Variants in CPNE4 observed in about 807,000 individuals in gnomAD.
The protein encoded by CPNE4 is copine-4.
A neutral mutation model predicts 67.9 loss-of-function variants in CPNE4; 25 were observed. The observed-to-expected ratio is 0.37, with a 90% confidence interval of 0.27 to 0.51. CPNE4 has a LOEUF of 0.51. Ranked by LOEUF, CPNE4 falls within the 20% of genes least tolerant of loss-of-function variation. The pLI is 0.93. For missense variants in CPNE4, 464 were observed against 690.8 expected, an observed-to-expected ratio of 0.67 and a Z score of 3.68; for synonymous variants, 242 against 244.9, an observed-to-expected ratio of 0.99 and a Z score of 0.11.
intron 14 of CPNE4, among the ~76,000 whole-genome samples, chr3:131,543,327 A>G (rs1275106559): frequency 6.6e-6 from 1 of 152,258 alleles, no homozygotes; most frequent in Admixed American, 6.5e-5. Context: ...TAAATTTAAC[A>G]TTAAAATTGG....
intron 2 of CPNE4, among the ~76,000 whole-genome samples, chr3:131,798,824 G>A (rs1240213890): frequency 6.6e-6 from 1 of 151,922 alleles, no homozygotes; most frequent in African/African-American, 2.4e-5. Context: ...TGTTAATATG[G>A]TATTACTGCA....
In CPNE4 at chr3:132,030,379, A is replaced by C. The variant is rs982496678; in HGVS notation, c.-2+4188T>G. ...GTTCTGAGAGTCATAGAACATGCAC[A>C]TTAACGGAGATGGCTGCAGACAATG... On this transcript the variant is annotated intron_variant, in intron 1 of 15. Coordinates refer to ENST00000429747, the MANE Select transcript of CPNE4 (RefSeq NM_130808.3). 2.6e-5 allele frequency among the ~76,000 whole-genome samples: 4 copies of C among 152,242 alleles called. No homozygotes were observed. The East Asian group carries it at 7.7e-4, about 29-fold the overall frequency.
chr3:132,010,282 C>A (rs2073722490), intron 1 of CPNE4, among the ~76,000 whole-genome samples: 4 of 151,636 alleles, frequency 2.6e-5, no homozygotes, highest in Non-Finnish European at 5.9e-5. Context: ...CATTTAGCAC[C>A]CTCTCTACAC....
chr3:131,720,631 T>C (rs1055673356), intron 3 of CPNE4, among the ~76,000 whole-genome samples: 2 of 152,178 alleles, frequency 1.3e-5, no homozygotes, highest in Non-Finnish European at 2.9e-5. Context: ...ACAAAGTGTA[T>C]AAATGTCCCA....
intron 7 of CPNE4, among the ~76,000 whole-genome samples, chr3:131,596,157 C>G (rs1307239967): frequency 6.6e-6 from 1 of 151,614 alleles, no homozygotes; most frequent in South Asian, 2.1e-4. Context: ...AACAAACAAA[C>G]AAACAAATAA....
At chr3:131,567,652 A>G (rs1937127137) in intron 10 of CPNE4, among the ~76,000 whole-genome samples, 1 of 151,990 alleles carries the variant, frequency 6.6e-6, no homozygotes, top group Non-Finnish European at 1.5e-5. Context: ...TCTTATGCTT[A>G]ACTAGGGTGG....
intron 1 of CPNE4, among the ~76,000 whole-genome samples, chr3:132,025,132 G>T (rs1324199632): frequency 6.6e-6 from 1 of 152,160 alleles, no homozygotes; most frequent in African/African-American, 2.4e-5. Context: ...TGAGAACCAT[G>T]GCTTGAAGAT....
At chr3:131,648,693 T>A (rs146735690) in intron 7 of CPNE4, among the ~76,000 whole-genome samples, 1 of 152,378 alleles carries the variant, frequency 6.6e-6, no homozygotes, top group African/African-American at 2.4e-5. Flanking sequence ...GATTATAAAT[T>A]TTTTCATGTG....
At chr3:131,654,143 C>A (rs1467822843) in intron 7 of CPNE4, among the ~76,000 whole-genome samples, 2 of 152,118 alleles carry the variant, frequency 1.3e-5, no homozygotes, top group African/African-American at 4.8e-5. Context: ...AATATGAATC[C>A]AAGGTTGAGA....
At chr3:131,826,320 T>G (rs2085157473) in intron 2 of CPNE4, among the ~76,000 whole-genome samples, 1 of 152,012 alleles carries the variant, frequency 6.6e-6, no homozygotes, top group Non-Finnish European at 1.5e-5. Context: ...GCCTCCTCAG[T>G]AGCTGGGACC....
chr3:131,873,779 C>A (rs554072388), intron 2 of CPNE4, among the ~76,000 whole-genome samples: 1 of 152,232 alleles, frequency 6.6e-6, no homozygotes, highest in South Asian at 2.1e-4. Flanking sequence ...TGCATTGAGC[C>A]CCAGGACAGC....
chr3:131,897,029 G>A (rs905343820), intron 2 of CPNE4, among the ~76,000 whole-genome samples: 13 of 152,004 alleles, frequency 8.6e-5, no homozygotes, highest in African/African-American at 2.7e-4. Flanking sequence ...TCAATACCAC[G>A]TACTCCAGAT....
chr3:131,761,210 C>CTTT lies in CPNE4; in HGVS notation c.181-37588_181-37586dup, dbSNP rs151161125. 3.4e-3 allele frequency among the ~76,000 whole-genome samples: 411 copies of CTTT among 119,440 alleles called. 1 individual carries two copies. The highest frequency in any genetic ancestry group is 7.3e-3 in the East Asian group (29 of 3,988). 78.4% of individuals were successfully genotyped at this position (119,440 alleles called of 152,430 possible). A position where few individuals can be genotyped will look rare whatever the true frequency, so the allele number is the denominator to read the frequency against. On this transcript the variant is annotated intron_variant, in intron 2 of 15. Transcript: ENST00000429747. The stretch of plus-strand genomic sequence containing the variant: ...AAGGCTTCTTCCACCTCACTTCGTA[C>CTTT]TTTTTTTTTTTTTTTTTTTTTTAGA...
chr3:131,700,017 G>A (rs1216521773), intron 3 of CPNE4, 37 bp from the exon 4 acceptor site: 1 of 1,047,614 alleles, frequency 9.5e-7, no homozygotes, highest in Non-Finnish European at 1.4e-6. Flanking sequence ...AAAAGGTAGA[G>A]ATACTAGTCA....
At chr3:131,799,293 A>C (rs924635813) in intron 2 of CPNE4, among the ~76,000 whole-genome samples, 1 of 152,160 alleles carries the variant, frequency 6.6e-6, no homozygotes, top group Non-Finnish European at 1.5e-5. Flanking sequence ...GGCAAGGAAC[A>C]GAGCTGTGAT....
chr3:131,814,599 TTTTTTTTTTTTTTTTTTTTTTTTG>T (rs2084661875), intron 2 of CPNE4, among the ~76,000 whole-genome samples: 1 of 72,092 alleles, frequency 1.4e-5, no homozygotes, highest in Non-Finnish European at 2.5e-5. Context: ...TTTTTTTTTT[TTTTTTTTTTTTTTTTTTTTTTTTG>T]AGACGGAGTC....
intron 2 of CPNE4, among the ~76,000 whole-genome samples, chr3:131,795,249 A>G (rs1560329483): frequency 6.6e-6 from 1 of 152,206 alleles, no homozygotes; most frequent in Non-Finnish European, 1.5e-5. Context: ...TTGGGTTCAG[A>G]ATTACAGAGT....
At chr3:131,726,962 T>A (rs915269817) in intron 2 of CPNE4, among the ~76,000 whole-genome samples, 1 of 152,246 alleles carries the variant, frequency 6.6e-6, no homozygotes, top group Non-Finnish European at 1.5e-5. Context: ...AAAATGTGAA[T>A]GCTTATCTTC....
chr3:132,032,896 C>A (rs1560819648), intron 1 of CPNE4, among the ~76,000 whole-genome samples: 1 of 152,224 alleles, frequency 6.6e-6, no homozygotes. Context: ...TTTTTGCTTG[C>A]CTCTGGCTTT....
Sources: gnomAD v4.1 joint callset for allele counts (sites outside exome capture counted in the v4.1 genomes callset) on GRCh38, gnomAD v4.1.1 for gene constraint, MANE v1.5 for transcripts, NCBI Gene and HGNC (gene_info 2026-07-23, HGNC 2026-07-21) for gene names.